CHL1: variants seen among roughly 807,000 people sequenced by gnomAD.
CHL1 encodes neural cell adhesion molecule L1-like protein.
Under a neutral mutation model 141.9 loss-of-function variants are expected in CHL1, and 96 were observed. The observed-to-expected ratio is 0.68, with a 90% confidence interval of 0.57 to 0.80. CHL1 has a LOEUF of 0.80. CHL1 is among the 30% of genes least tolerant of loss of function. CHL1 has a pLI of 0.00. For synonymous variants in CHL1, 613 were observed against 502.2 expected, an observed-to-expected ratio of 1.22 and a Z score of -2.95; for missense variants, 1,820 against 1,457.2, an observed-to-expected ratio of 1.25 and a Z score of -4.05.
At chr3:315,715 G>A (rs529439255) in intron 2 of CHL1, among the ~76,000 whole-genome samples, 12 of 152,064 alleles carry the variant, frequency 7.9e-5, no homozygotes, top group East Asian at 1.9e-4. Flanking sequence ...CCCACTAGTC[G>A]TACTGGAGAA....
intron 2 of CHL1, among the ~76,000 whole-genome samples, chr3:314,329 GTA>G (rs56292297): frequency 0.03 from 1,952 of 65,210 alleles, 61 homozygotes; most frequent in East Asian, 0.069. Context: ...CTCTCTATGT[GTA>G]TATATATATA....
intron 3 of CHL1, among the ~76,000 whole-genome samples, chr3:320,363 C>T (rs1359073408): frequency 1.3e-5 from 2 of 152,030 alleles, no homozygotes; most frequent in East Asian, 3.9e-4. Context: ...TATGAACTCT[C>T]AAAATTTACG....
At chr3:301,838 T>C (rs576571230) in intron 2 of CHL1, among the ~76,000 whole-genome samples, 41 of 152,350 alleles carry the variant, frequency 2.7e-4, no homozygotes, top group African/African-American at 8.7e-4. Flanking sequence ...GCCGTGGTGG[T>C]TTGCTGCACC....
chr3:221,361 G>A (rs1197371840), intron 1 of CHL1, among the ~76,000 whole-genome samples: 3 of 152,116 alleles, frequency 2.0e-5, no homozygotes, highest in African/African-American at 7.2e-5. Flanking sequence ...AGTAATCAGT[G>A]CATTTTGAGC....
At chr3:358,837 C>G (rs1703948404) in intron 11 of CHL1, among the ~76,000 whole-genome samples, 1 of 151,692 alleles carries the variant, frequency 6.6e-6, no homozygotes, top group Admixed American at 6.6e-5. Flanking sequence ...GAGAGACAAT[C>G]AGAAAAGTAG....
At chr3:293,952 A>C (rs534887401) in intron 2 of CHL1, among the ~76,000 whole-genome samples, 6 of 151,984 alleles carry the variant, frequency 3.9e-5, no homozygotes, top group Admixed American at 3.3e-4. Flanking sequence ...TTGTAGAGAC[A>C]GGCTTCACTG....
chr3:214,808 ATAGT>A (rs1275489123), intron 1 of CHL1, among the ~76,000 whole-genome samples: 4 of 152,224 alleles, frequency 2.6e-5, no homozygotes, highest in African/African-American at 9.6e-5. Context: ...GTATAAAGCA[ATAGT>A]TAGAGTGATG....
intron 20 of CHL1, 47 bp from the exon 21 acceptor site, chr3:390,654 C>T (rs757507997): frequency 1.8e-6 from 2 of 1,108,176 alleles, no homozygotes; most frequent in Non-Finnish European, 1.4e-6. Flanking sequence ...TCCTAACAAT[C>T]ACATTTGCAG....
At chr3:260,929 G>T (rs985116221) in intron 2 of CHL1, among the ~76,000 whole-genome samples, 3 of 151,918 alleles carry the variant, frequency 2.0e-5, no homozygotes, top group South Asian at 2.1e-4. Flanking sequence ...AATTAGCCTG[G>T]TTTTTTTTGG....
At chr3:197,972 C>T in intron 1 of CHL1, 1 of 366,244 alleles carries the variant, frequency 2.7e-6, no homozygotes, top group Non-Finnish European at 5.4e-6. Context: ...CTGGGGAAAG[C>T]CAGCCCCTCC....
At chr3:341,833 T>C in intron 6 of CHL1, 79 bp from the exon 7 acceptor site, 2 of 1,180,054 alleles carry the variant, frequency 1.7e-6, no homozygotes, top group Non-Finnish European at 2.3e-6. Context: ...GAAATAATAA[T>C]GTAAAAGAAA....
intron 1 of CHL1, chr3:198,113 C>A: frequency 3.6e-6 from 1 of 280,702 alleles, no homozygotes; most frequent in Non-Finnish European, 7.1e-6. Context: ...CCCAGACGGC[C>A]AGCAGGGTGG....
intron 2 of CHL1, among the ~76,000 whole-genome samples, chr3:302,194 G>A (rs1049270418): frequency 6.6e-6 from 1 of 152,184 alleles, no homozygotes; most frequent in Non-Finnish European, 1.5e-5. Flanking sequence ...TGTGAATTGT[G>A]CCACAATAAA....
At chr3:200,761 G>A (rs1161134773) in intron 1 of CHL1, among the ~76,000 whole-genome samples, 1 of 152,016 alleles carries the variant, frequency 6.6e-6, no homozygotes, top group Non-Finnish European at 1.5e-5. Flanking sequence ...CTTATATTTT[G>A]GTGATCACAT....
At chr3:372,441 T>A (rs989067172) in intron 15 of CHL1, among the ~76,000 whole-genome samples, 2 of 152,186 alleles carry the variant, frequency 1.3e-5, no homozygotes, top group African/African-American at 4.8e-5. Context: ...TCTCCTGCTG[T>A]GTTTTTCAGC....
At position 363,231 on chromosome 3, in the gene CHL1, A is replaced by G; in HGVS notation, c.1433A>G (p.Glu478Gly). The change falls in exon 14 of 28, where the codon GAA (glutamate) becomes GGA (glycine). Residue 478 changes from glutamate to glycine, a missense_variant. By Grantham distance (98) the Glu-to-Gly change is moderately conservative. Transcript: ENST00000256509. The stretch of plus-strand genomic sequence containing the variant: ...TTTGTCCATAGGCAGAAGGTGGAAG[A>G]AGTGAAACCCCTGGAGGGCAGGCGG... Reference protein sequence around the residue: ...EAVVSWQKVEEVKPLEGRRYH... With the variant: ...EAVVSWQKVEGVKPLEGRRYH... 1 of 1,609,848 alleles carries G rather than the reference A, an allele frequency of 6.2e-7. No individual in the cohort carries two copies. Among genetic ancestry groups the G allele is most frequent in the Non-Finnish European group, 8.5e-7 (1 of 1,178,660 alleles).
intron 2 of CHL1, among the ~76,000 whole-genome samples, chr3:291,149 T>G (rs1388363099): frequency 1.3e-5 from 2 of 151,948 alleles, no homozygotes; most frequent in South Asian, 2.1e-4. Flanking sequence ...AGTAGTGAAC[T>G]AGTATCTCTT....
chr3:382,494 G>T lies in CHL1; in HGVS notation c.1999G>T (p.Gly667Ter). The change falls in exon 18 of 28, where the codon GGA becomes TGA. Residue 667 changes from glycine to a stop codon, truncating the protein, a stop_gained. Coordinates refer to ENST00000256509, the MANE Select transcript of CHL1 (RefSeq NM_006614.4). LOFTEE classifies it high-confidence loss of function. Reference protein sequence around the residue: ...NISEYIVEFEGNKEEPGRWEE... With the variant: ...NISEYIVEFE ...ACCAGAGTATATTGTTGAATTTGAA[G>T]GAAACAAAGAAGAGCCTGGAAGGTG... 1 of 1,613,502 alleles carries T rather than the reference G, an allele frequency of 6.2e-7. No individual in the cohort carries two copies. Among genetic ancestry groups the T allele is most frequent in the Non-Finnish European group, 8.5e-7 (1 of 1,179,596 alleles).
chr3:333,703 A>T (rs181344108), intron 5 of CHL1, among the ~76,000 whole-genome samples: 71 of 152,298 alleles, frequency 4.7e-4, no homozygotes, highest in African/African-American at 1.7e-3. Context: ...AAAAACAAAG[A>T]CTGTCCTCCA....
Sources: gnomAD v4.1 joint callset for allele counts (sites outside exome capture counted in the v4.1 genomes callset) on GRCh38, gnomAD v4.1.1 for gene constraint, MANE v1.5 for transcripts, NCBI Gene and HGNC (gene_info 2026-07-23, HGNC 2026-07-21) for gene names.